The following PDE4B variants were observed in gnomAD, a reference collection of about 807,000 sequenced individuals.
PDE4B encodes the protein phosphodiesterase 4B, also known as 3',5'-cyclic-AMP phosphodiesterase 4B.
Under a neutral mutation model 82.2 loss-of-function variants are expected in PDE4B, and 20 were observed. The ratio of observed to expected loss-of-function variants is 0.24; its 90% confidence interval spans 0.17 to 0.35. The LOEUF (loss-of-function observed/expected upper bound fraction) is 0.35. Among genes scored for constraint, PDE4B ranks in the 10% least tolerant of loss-of-function variants. The pLI, the probability that PDE4B is intolerant of heterozygous loss-of-function variation, is 1.00. For missense variants in PDE4B, 655 were observed against 907.2 expected (o/e 0.72, Z 3.57); for synonymous variants, 320 against 318.9 (o/e 1.00, Z -0.04).
chr1:65,897,350 G>T (rs1238961550), intron 1 of PDE4B, among the ~76,000 whole-genome samples: 1 of 151,988 alleles, frequency 6.6e-6, no homozygotes, highest in Non-Finnish European at 1.5e-5. Context: ...AAATATTAAT[G>T]CTCCTGTCTT....
intron 1 of PDE4B, among the ~76,000 whole-genome samples, chr1:65,809,940 T>C (rs1335496660): frequency 6.6e-6 from 1 of 152,266 alleles, no homozygotes; most frequent in East Asian, 1.9e-4. Flanking sequence ...TGGATCTTTT[T>C]GGTGCTCTTA....
intron 4 of PDE4B, among the ~76,000 whole-genome samples, chr1:66,248,992 G>A (rs1653543663): frequency 6.6e-6 from 1 of 152,164 alleles, no homozygotes; most frequent in African/African-American, 2.4e-5. Flanking sequence ...TGTGTCCCAT[G>A]ATGTGGCTAA....
chr1:66,014,330 A>G (rs912968938), intron 3 of PDE4B, among the ~76,000 whole-genome samples: 7 of 152,000 alleles, frequency 4.6e-5, no homozygotes, highest in Admixed American at 3.9e-4. Context: ...TTTTTTGCCT[A>G]TGCTTTCTGG....
chr1:66,296,245 A>G (rs564450736), intron 7 of PDE4B, among the ~76,000 whole-genome samples: 1 of 152,284 alleles, frequency 6.6e-6, no homozygotes, highest in Admixed American at 6.5e-5. Context: ...ACCTGGCCTA[A>G]TGCTTGGCAC....
At chr1:65,819,886 A>G (rs1189207081) in intron 1 of PDE4B, among the ~76,000 whole-genome samples, 1 of 152,228 alleles carries the variant, frequency 6.6e-6, no homozygotes, top group African/African-American at 2.4e-5. Flanking sequence ...GCAGAGGTAG[A>G]AGGATTCCAC....
chr1:66,344,255 G>A (rs1661227482), intron 8 of PDE4B, among the ~76,000 whole-genome samples: 1 of 152,154 alleles, frequency 6.6e-6, no homozygotes, highest in Admixed American at 6.5e-5. Flanking sequence ...AGCTACCAGT[G>A]AATTTTTTCC....
At position 66,372,846 on chromosome 1, in the gene PDE4B, T is replaced by G; in HGVS notation, c.*168T>G. The G allele has an allele frequency of 1.6e-6, 1 of 629,824 alleles. No homozygotes were observed. The highest frequency in any genetic ancestry group is 2.3e-5 in the South Asian group (1 of 43,732). The allele number at this position is 629,824 out of a possible 1,614,324, so 39.0% of individuals were successfully genotyped here. A position where few individuals can be genotyped will look rare whatever the true frequency, so the allele number is the denominator to read the frequency against. ...GCAAGACCAGGAAGCAAATAGCAGC[T>G]CAGGAAATCCCACGGTTGACTTGCC... On this transcript the variant is annotated 3_prime_UTR_variant, in exon 17 of 17. Transcript: ENST00000341517.
At chr1:65,870,404 C>T (rs1458223812) in intron 1 of PDE4B, among the ~76,000 whole-genome samples, 1 of 152,016 alleles carries the variant, frequency 6.6e-6, no homozygotes, top group Non-Finnish European at 1.5e-5. Flanking sequence ...AAAAAACAAA[C>T]CAGGAAACAA....
intron 1 of PDE4B, among the ~76,000 whole-genome samples, chr1:65,805,153 TG>T (rs1557755995): frequency 6.6e-6 from 1 of 151,948 alleles, no homozygotes; most frequent in East Asian, 1.9e-4. Context: ...TTAGTAGAAA[TG>T]GGGTTTTGCC....
intron 3 of PDE4B, 44 bp from the exon 4 acceptor site, chr1:66,247,416 T>C (rs1261006789): frequency 7.1e-7 from 1 of 1,401,250 alleles, no homozygotes; most frequent in Admixed American, 2.2e-5. Context: ...TGTGTCCTCC[T>C]CCATGGTTAT....
At chr1:65,816,379 C>T (rs909369447) in intron 1 of PDE4B, among the ~76,000 whole-genome samples, 4 of 152,004 alleles carry the variant, frequency 2.6e-5, no homozygotes, top group South Asian at 2.1e-4. Flanking sequence ...TTGCTGCTAC[C>T]GAATTGATAA....
chr1:65,944,420 C>G (rs1019730246), intron 3 of PDE4B, among the ~76,000 whole-genome samples: 3 of 151,840 alleles, frequency 2.0e-5, no homozygotes, highest in Non-Finnish European at 4.4e-5. Context: ...CTGTAATTTT[C>G]TCTTCCTGTA....
chr1:65,996,769 G>T (rs1442754019), intron 3 of PDE4B, among the ~76,000 whole-genome samples: 6 of 152,056 alleles, frequency 3.9e-5, no homozygotes, highest in Non-Finnish European at 5.9e-5. Context: ...CCCAAAAGTG[G>T]ATACCATACT....
Position 66,173,087 on chromosome 1 carries a change from T to C in PDE4B, c.282-74373T>C, listed in dbSNP as rs563267060. On this transcript the variant is annotated intron_variant, in intron 3 of 16. Transcript: ENST00000341517. ...GGCACATGGATACACCTGTATCAGA[T>C]TGGGGGTAAAGGAGGTGACCCATAA... 1.7e-4 allele frequency among the ~76,000 whole-genome samples: 26 copies of C among 152,324 alleles called. No individual in the cohort carries two copies. In the East Asian group the frequency reaches 2.1e-3, roughly 12 times the overall value.
intron 16 of PDE4B, among the ~76,000 whole-genome samples, chr1:66,372,052 C>G (rs1306605940): frequency 6.6e-6 from 1 of 152,278 alleles, no homozygotes; most frequent in Non-Finnish European, 1.5e-5. Flanking sequence ...TGACCTCTGA[C>G]AAGATATTTA....
intron 1 of PDE4B, among the ~76,000 whole-genome samples, chr1:65,817,307 C>T (rs1340655034): frequency 1.3e-5 from 2 of 152,080 alleles, no homozygotes; most frequent in Admixed American, 1.3e-4. Context: ...GACAGGGAAC[C>T]CAAGTGTAGC....
intron 7 of PDE4B, among the ~76,000 whole-genome samples, chr1:66,287,708 T>C (rs1487733417): frequency 6.6e-6 from 1 of 152,140 alleles, no homozygotes; most frequent in Non-Finnish European, 1.5e-5. Context: ...AGGCTAGGCA[T>C]AGTGGCTCAT....
chr1:66,278,389 T>C (rs988224475), intron 7 of PDE4B, among the ~76,000 whole-genome samples: 13 of 152,226 alleles, frequency 8.5e-5, no homozygotes, highest in Non-Finnish European at 1.0e-4. Context: ...GAATCTGTGA[T>C]GCCAATCTGG....
intron 3 of PDE4B, among the ~76,000 whole-genome samples, chr1:66,045,009 T>C (rs1221292829): frequency 6.6e-6 from 1 of 151,694 alleles, no homozygotes; most frequent in Non-Finnish European, 1.5e-5. Context: ...CTTCTATAAC[T>C]GGAATAAAAT....
Sources: gnomAD v4.1 joint callset for allele counts (sites outside exome capture counted in the v4.1 genomes callset) on GRCh38, gnomAD v4.1.1 for gene constraint, MANE v1.5 for transcripts, NCBI Gene and HGNC (gene_info 2026-07-23, HGNC 2026-07-21) for gene names.